The following ZNF469 variants were observed in gnomAD, a reference collection of about 807,000 sequenced individuals.
ZNF469 encodes zinc finger protein 469.
In ZNF469, 1 loss-of-function variant was observed where a neutral mutation model predicts 1.0. The ratio of observed to expected loss-of-function variants is 1.00; its 90% CI spans 0.35 to 4.73. ZNF469 has a LOEUF of 4.73. Among genes scored for constraint, ZNF469 ranks in the 30% most tolerant of loss-of-function variants. The probability of loss-of-function intolerance (pLI) is 0.16; values close to 1 mark genes in which losing one functional copy is unlikely to be tolerated. For synonymous variants in ZNF469, 2,703 were observed against 2,363.4 expected, an observed-to-expected ratio of 1.14 and a Z score of -4.17; for missense variants, 6,100 against 5,356.3, an observed-to-expected ratio of 1.14 and a Z score of -4.33.
the ZNF469 span, among the ~76,000 whole-genome samples, chr16:88,336,718 C>T: frequency 9.2e-5 from 14 of 152,156 alleles, no homozygotes; most frequent in African/African-American, 2.2e-4. Flanking sequence ...GACACTGACA[C>T]GCCAATACCA....
the ZNF469 span, among the ~76,000 whole-genome samples, chr16:88,176,755 C>T: frequency 1.3e-5 from 2 of 152,272 alleles, no homozygotes; most frequent in African/African-American, 4.8e-5. Context: ...CCGGCCCCTG[C>T]CACAACCCCC....
chr16:88,335,241 C>G, the ZNF469 span, among the ~76,000 whole-genome samples: 36 of 151,994 alleles, frequency 2.4e-4, no homozygotes, highest in Admixed American at 2.4e-3. Context: ...ACTGTAGGGT[C>G]AGATGCAGGC....
chr16:88,126,606 C>A, the ZNF469 span, among the ~76,000 whole-genome samples: 1 of 107,166 alleles, frequency 9.3e-6, no homozygotes, highest in South Asian at 3.9e-4. Context: ...TTTGTGAATG[C>A]CAACTCTGCA....
intron 1 of ZNF469, among the ~76,000 whole-genome samples, chr16:88,408,805 A>G (rs548582453): frequency 2.6e-5 from 4 of 152,282 alleles, no homozygotes; most frequent in African/African-American, 7.2e-5. Context: ...CACCCAATGC[A>G]CCATTGAAGG....
the ZNF469 span, among the ~76,000 whole-genome samples, chr16:88,287,659 A>T: frequency 1.3e-5 from 2 of 152,222 alleles, no homozygotes; most frequent in Non-Finnish European, 2.9e-5. Context: ...ATGAGAAACA[A>T]CATCCCTCCC....
At chr16:88,334,508 T>G in the ZNF469 span, among the ~76,000 whole-genome samples, 11 of 152,188 alleles carry the variant, frequency 7.2e-5, no homozygotes, top group Non-Finnish European at 4.4e-5. Flanking sequence ...TGGGGCATTT[T>G]GGGTTAGGGA....
chr16:88,131,989 G>T, the ZNF469 span, among the ~76,000 whole-genome samples: 1 of 152,238 alleles, frequency 6.6e-6, no homozygotes, highest in Non-Finnish European at 1.5e-5. Context: ...TGAAGACAGG[G>T]CAGCGATGCT....
chr16:88,389,566 G>A (rs1904426909), intron 1 of ZNF469, among the ~76,000 whole-genome samples: 1 of 152,058 alleles, frequency 6.6e-6, no homozygotes, highest in South Asian at 2.1e-4. Flanking sequence ...GGCCTTCAAG[G>A]AGCTGCCCCA....
At chr16:88,277,617 T>C in the ZNF469 span, among the ~76,000 whole-genome samples, 1,824 of 135,282 alleles carry the variant, frequency 0.013, 69 homozygotes, top group African/African-American at 0.055. Flanking sequence ...CCGTCAGTAC[T>C]GTGTAGATAG....
chr16:88,429,720 G>T lies in ZNF469; in HGVS notation c.2250G>T (p.Arg750=). 6.5e-7 allele frequency: 1 copy of T among 1,543,628 alleles called. No homozygotes were observed. ...GCCTGGCGGCCTTCCTGGCCCACCG[G>T]CAGTTCTGTGGCCTGCTCCTGGCCA... ...YSSLAAFLAH[R]QFCGLLLARA... The change falls in exon 3 of 3, where the codon CGG becomes CGT. Residue 750 remains arginine, a synonymous_variant. Coordinates refer to ENST00000565624, the MANE Select transcript of ZNF469 (RefSeq NM_001367624.2).
the ZNF469 span, among the ~76,000 whole-genome samples, chr16:88,227,552 C>T: frequency 6.7e-6 from 1 of 148,502 alleles, no homozygotes; most frequent in Non-Finnish European, 1.5e-5. Context: ...CCCCTTCTCC[C>T]TGTCTCCTGG....
At chr16:88,384,352 C>G (rs1481188781) in intron 1 of ZNF469, among the ~76,000 whole-genome samples, 1 of 152,208 alleles carries the variant, frequency 6.6e-6, no homozygotes, top group Non-Finnish European at 1.5e-5. Flanking sequence ...CCCAGCCTGT[C>G]CTAGGTGCCC....
chr16:88,400,723 C>T (rs1904829378), intron 1 of ZNF469, among the ~76,000 whole-genome samples: 1 of 126,252 alleles, frequency 7.9e-6, no homozygotes, highest in Non-Finnish European at 1.7e-5. Flanking sequence ...GCTGGGATGG[C>T]ACCCAAGGTC....
chr16:88,169,959 T>A, the ZNF469 span, among the ~76,000 whole-genome samples: 1 of 152,164 alleles, frequency 6.6e-6, no homozygotes, highest in African/African-American at 2.4e-5. The surrounding 1 kb of genome is among the most constrained non-coding windows in gnomAD (Gnocchi z 6.1). Flanking sequence ...TGATGTTGCG[T>A]GCCTTACATG....
the ZNF469 span, among the ~76,000 whole-genome samples, chr16:88,252,214 T>A: frequency 7.5e-6 from 1 of 134,090 alleles, no homozygotes; most frequent in African/African-American, 2.7e-5. Context: ...TGCTTATTGA[T>A]GGCTGCCTGG....
chr16:88,365,092 A>G, the ZNF469 span, among the ~76,000 whole-genome samples: 1 of 152,200 alleles, frequency 6.6e-6, no homozygotes, highest in Non-Finnish European at 1.5e-5. Context: ...TTCCGATTGC[A>G]TGTGGGGAAA....
At chr16:88,131,019 G>A in the ZNF469 span, among the ~76,000 whole-genome samples, 315 of 152,366 alleles carry the variant, frequency 2.1e-3, 5 homozygotes, top group African/African-American at 6.9e-3. Context: ...TGCGTGGCTC[G>A]GTTCCACGGC....
the ZNF469 span, among the ~76,000 whole-genome samples, chr16:88,224,590 CAG>C: frequency 6.6e-6 from 1 of 152,208 alleles, no homozygotes; most frequent in African/African-American, 2.4e-5. Context: ...GACTGAGGCG[CAG>C]AGAGGCTGAG....
At chr16:88,148,925 A>G in the ZNF469 span, among the ~76,000 whole-genome samples, 5 of 152,198 alleles carry the variant, frequency 3.3e-5, no homozygotes, top group East Asian at 5.8e-4. Context: ...AGTGCCTGGC[A>G]CGTGGCAGGT....
Sources: allele counts gnomAD v4.1 joint callset (sites outside exome capture counted in the v4.1 genomes callset), GRCh38; gene constraint gnomAD v4.1.1; non-coding constraint Gnocchi (gnomAD v3.1); transcripts MANE v1.5; gene names NCBI Gene and HGNC (gene_info 2026-07-23, HGNC 2026-07-21).